Variants in HS6ST3 observed in about 807,000 individuals in gnomAD.
The protein encoded by HS6ST3 is heparan sulfate 6-O-sulfotransferase 3, also known as heparan-sulfate 6-O-sulfotransferase 3.
HS6ST3 carries 12 observed loss-of-function variants against 36.7 expected under a neutral mutation model. That is an observed-to-expected ratio of 0.33 (90% CI 0.21 to 0.53). The LOEUF (loss-of-function observed/expected upper bound fraction) is 0.53, where lower values mean the gene tolerates loss of function less well. Among genes scored for constraint, HS6ST3 ranks in the 20% least tolerant of loss-of-function variants. The pLI, the probability that HS6ST3 is intolerant of heterozygous loss-of-function variation, is 0.95. For synonymous variants in HS6ST3, 240 were observed against 257.5 expected (o/e 0.93, Z 0.65); for missense variants, 584 against 640.9 (o/e 0.91, Z 0.96).
intron 1 of HS6ST3, among the ~76,000 whole-genome samples, chr13:96,477,966 A>C (rs529415102): frequency 1.2e-4 from 18 of 152,290 alleles, no homozygotes; most frequent in South Asian, 6.2e-4. Context: ...AGCTAACCCA[A>C]ACCAAACAAA....
chr13:96,288,172 A>T (rs2054812917), intron 1 of HS6ST3, among the ~76,000 whole-genome samples: 1 of 152,174 alleles, frequency 6.6e-6, no homozygotes, highest in Non-Finnish European at 1.5e-5. Flanking sequence ...CATAAGTTTG[A>T]GAGTCACTGA....
At chr13:96,215,790 G>A (rs2054422949) in intron 1 of HS6ST3, among the ~76,000 whole-genome samples, 1 of 152,056 alleles carries the variant, frequency 6.6e-6, no homozygotes, top group South Asian at 2.1e-4. Context: ...GTTTGAGTTT[G>A]TGGTTCCTGG....
chr13:96,695,035 C>G (rs1005303124), intron 1 of HS6ST3, among the ~76,000 whole-genome samples: 3 of 152,102 alleles, frequency 2.0e-5, no homozygotes, highest in Non-Finnish European at 4.4e-5. Context: ...TTTGAACATG[C>G]CTAGTGATGA....
chr13:96,715,337 G>A (rs1875669326), intron 1 of HS6ST3, among the ~76,000 whole-genome samples: 1 of 152,018 alleles, frequency 6.6e-6, no homozygotes, highest in Middle Eastern at 3.2e-3. Context: ...GTGGGTAGAT[G>A]ATGGATTAGA....
chr13:96,433,056 A>G (rs1232967893), intron 1 of HS6ST3, among the ~76,000 whole-genome samples: 1 of 152,228 alleles, frequency 6.6e-6, no homozygotes, highest in African/African-American at 2.4e-5. Context: ...TACTAGCTAA[A>G]GTCATAAACC....
chr13:96,166,025 T>G (rs1387309202), intron 1 of HS6ST3, among the ~76,000 whole-genome samples: 5 of 27,466 alleles, frequency 1.8e-4, no homozygotes, highest in South Asian at 1.3e-3. Context: ...GAAGGGGTTA[T>G]TTATTTATTT....
At chr13:96,192,395 A>G (rs1782314678) in intron 1 of HS6ST3, among the ~76,000 whole-genome samples, 1 of 152,132 alleles carries the variant, frequency 6.6e-6, no homozygotes, top group Non-Finnish European at 1.5e-5. Flanking sequence ...CATTACTGAA[A>G]TAGTGAACAT....
intron 1 of HS6ST3, among the ~76,000 whole-genome samples, chr13:96,443,266 C>T (rs2055681842): frequency 6.6e-6 from 1 of 152,084 alleles, no homozygotes; most frequent in Admixed American, 6.5e-5. Context: ...TGCGGTGGCT[C>T]ACGCCTGTAA....
intron 1 of HS6ST3, among the ~76,000 whole-genome samples, chr13:96,370,977 G>T (rs765388226): frequency 2.1e-4 from 32 of 152,142 alleles, no homozygotes; most frequent in South Asian, 6.2e-4. Flanking sequence ...TATATTTTTT[G>T]GTTTTGCTGG....
intron 1 of HS6ST3, among the ~76,000 whole-genome samples, chr13:96,189,813 C>T (rs2054280647): frequency 6.6e-6 from 1 of 152,188 alleles, no homozygotes; most frequent in Admixed American, 6.5e-5. Flanking sequence ...GAGACTAAAT[C>T]AACTACATGA....
chr13:96,470,947 A>T (rs3901859), intron 1 of HS6ST3, among the ~76,000 whole-genome samples: 69,674 of 152,006 alleles, frequency 0.46, 17,338 homozygotes, highest in Non-Finnish European at 0.57. Flanking sequence ...AGCATCTGTA[A>T]TTTTTTTGTC....
At chr13:96,655,827 T>C (rs144437666) in intron 1 of HS6ST3, among the ~76,000 whole-genome samples, 19 of 152,248 alleles carry the variant, frequency 1.2e-4, no homozygotes, top group African/African-American at 3.8e-4. Flanking sequence ...AAGAGCTTTC[T>C]CCTAATCTTA....
chr13:96,779,122 G>A (rs1594858206), intron 1 of HS6ST3, among the ~76,000 whole-genome samples: 1 of 152,098 alleles, frequency 6.6e-6, no homozygotes, highest in East Asian at 1.9e-4. Context: ...TGAGTGATGA[G>A]AACACATGGA....
intron 1 of HS6ST3, among the ~76,000 whole-genome samples, chr13:96,387,252 T>C (rs564604347): frequency 6.6e-6 from 1 of 152,340 alleles, no homozygotes; most frequent in African/African-American, 2.4e-5. Flanking sequence ...AAGACCATAA[T>C]GGGTTTGTGT....
intron 1 of HS6ST3, among the ~76,000 whole-genome samples, chr13:96,317,376 A>ATATATATATATATAAT (rs2054980226): frequency 1.4e-4 from 1 of 7,318 alleles, no homozygotes; most frequent in Admixed American, 1.1e-3. Flanking sequence ...ATAAAATTAT[A>ATATATATATATATAAT]TATATATATA....
intron 1 of HS6ST3, among the ~76,000 whole-genome samples, chr13:96,777,236 T>C (rs868868810): frequency 6.6e-6 from 1 of 152,144 alleles, no homozygotes; most frequent in African/African-American, 2.4e-5. Context: ...GCCAATAGCA[T>C]ACTGAAGGGG....
At position 96,288,133 on chromosome 13, in the gene HS6ST3, A is replaced by G. The variant is rs577011193; in HGVS notation, c.707+196564A>G. 8.0e-5 allele frequency among the ~76,000 whole-genome samples: 11 copies of G among 136,756 alleles called. 1 individual carries two copies. In the South Asian group the frequency reaches 2.4e-3, roughly 29 times the overall value. 89.7% of individuals were successfully genotyped at this position (136,756 alleles called of 152,430 possible). On this transcript the variant is annotated intron_variant, in intron 1 of 1. Coordinates refer to ENST00000376705, the MANE Select transcript of HS6ST3 (RefSeq NM_153456.4). ...AGGTGAGGCCTGGAAATCTGTTGTA[A>G]TAAGCCCTAAGGGTGATTTTGATCT...
At chr13:96,427,546 A>G (rs1384866442) in intron 1 of HS6ST3, among the ~76,000 whole-genome samples, 1 of 151,738 alleles carries the variant, frequency 6.6e-6, no homozygotes, top group Non-Finnish European at 1.5e-5. Context: ...CATTATTTAT[A>G]TTATGATATA....
chr13:96,294,866 GT>G (rs1369791848), intron 1 of HS6ST3, among the ~76,000 whole-genome samples: 1 of 152,052 alleles, frequency 6.6e-6, no homozygotes, highest in African/African-American at 2.4e-5. Context: ...AATGAGGAGA[GT>G]GTATTTATAT....
Sources: gnomAD v4.1 joint callset for allele counts (sites outside exome capture counted in the v4.1 genomes callset) on GRCh38, gnomAD v4.1.1 for gene constraint, MANE v1.5 for transcripts, NCBI Gene and HGNC (gene_info 2026-07-23, HGNC 2026-07-21) for gene names.